Variants in PDE4D observed in about 807,000 individuals in gnomAD.
The protein encoded by PDE4D is phosphodiesterase 4D.
A neutral mutation model predicts 87.4 loss-of-function variants in PDE4D; 24 were observed. The ratio of observed to expected loss-of-function variants is 0.27; its 90% confidence interval spans 0.20 to 0.39. The LOEUF is 0.39. Among genes scored for constraint, PDE4D ranks in the 10% least tolerant of loss-of-function variants. PDE4D has a pLI of 1.00. For missense variants in PDE4D, 714 were observed against 1,041.0 expected (o/e 0.69, Z 4.32); for synonymous variants, 384 against 383.2 (o/e 1.00, Z -0.02).
intron 5 of PDE4D, among the ~76,000 whole-genome samples, chr5:59,056,401 A>G (rs1017740784): frequency 8.5e-5 from 13 of 152,090 alleles, no homozygotes; most frequent in Middle Eastern, 3.2e-3. Flanking sequence ...CGCTGAGACA[A>G]TGTTTAAAAA....
At chr5:60,462,421 A>G (rs1747019374) in intron 1 of PDE4D, among the ~76,000 whole-genome samples, 1 of 152,146 alleles carries the variant, frequency 6.6e-6, no homozygotes, top group Non-Finnish European at 1.5e-5. Context: ...CAGGGCAAGA[A>G]GAGAAGGAAT....
At chr5:59,845,290 T>A (rs747832525) in intron 1 of PDE4D, among the ~76,000 whole-genome samples, 9 of 152,218 alleles carry the variant, frequency 5.9e-5, no homozygotes, top group Middle Eastern at 6.8e-3. Flanking sequence ...CTTTCTCTTT[T>A]CCTCTGGTAA....
intron 1 of PDE4D, among the ~76,000 whole-genome samples, chr5:60,476,770 C>T (rs887661118): frequency 6.6e-6 from 1 of 152,170 alleles, no homozygotes; most frequent in Non-Finnish European, 1.5e-5. Context: ...GAAGCCTTCC[C>T]TCAACACTAA....
chr5:59,180,479 G>T, intron 5 of PDE4D, 116 bp downstream of exon 5: 1 of 823,998 alleles, frequency 1.2e-6, no homozygotes. Context: ...AGAGAAGAAA[G>T]AATTTCTTTA....
intron 1 of PDE4D, among the ~76,000 whole-genome samples, chr5:59,424,465 G>A (rs1267190013): frequency 1.3e-5 from 2 of 152,134 alleles, no homozygotes; most frequent in Non-Finnish European, 2.9e-5. Flanking sequence ...TAGAAAGGAT[G>A]GTTAACTGAC....
intron 1 of PDE4D, among the ~76,000 whole-genome samples, chr5:59,737,593 A>G (rs1218904920): frequency 6.6e-6 from 1 of 152,152 alleles, no homozygotes; most frequent in African/African-American, 2.4e-5. Flanking sequence ...ATATTTCATT[A>G]ATCTTAAATT....
intron 1 of PDE4D, among the ~76,000 whole-genome samples, chr5:60,518,828 C>G (rs1353543744): frequency 6.6e-6 from 1 of 152,192 alleles, no homozygotes; most frequent in Non-Finnish European, 1.5e-5. Flanking sequence ...AAATTTCACC[C>G]TGCTTATTTG....
At chr5:59,089,779 C>A (rs1473884827) in intron 5 of PDE4D, among the ~76,000 whole-genome samples, 1 of 152,134 alleles carries the variant, frequency 6.6e-6, no homozygotes, top group Non-Finnish European at 1.5e-5. Context: ...TGTCCTTGTA[C>A]CCCTTACAGC....
At chr5:59,524,698 T>C (rs373950663) in intron 1 of PDE4D, among the ~76,000 whole-genome samples, 12 of 152,306 alleles carry the variant, frequency 7.9e-5, no homozygotes, top group African/African-American at 2.9e-4. Context: ...ATTACAGGCC[T>C]GGAGGCCTAG....
chr5:59,995,133 GT>G (rs1190121210), intron 2 of PDE4D, among the ~76,000 whole-genome samples: 1 of 152,068 alleles, frequency 6.6e-6, no homozygotes, highest in Non-Finnish European at 1.5e-5. Context: ...CACCTGGACT[GT>G]TGCAGACAAA....
At chr5:59,850,053 T>G (rs919928670) in intron 1 of PDE4D, among the ~76,000 whole-genome samples, 4 of 152,044 alleles carry the variant, frequency 2.6e-5, no homozygotes, top group Non-Finnish European at 4.4e-5. Context: ...TTGCATTGAT[T>G]AACGTGTTGA....
chr5:60,063,059 G>A (rs188000086), intron 2 of PDE4D, among the ~76,000 whole-genome samples: 8 of 140,030 alleles, frequency 5.7e-5, no homozygotes. Flanking sequence ...TTCTGTATAT[G>A]TATCCCAAAA....
intron 1 of PDE4D, among the ~76,000 whole-genome samples, chr5:59,407,140 G>A (rs1382843280): frequency 1.3e-5 from 2 of 152,110 alleles, no homozygotes; most frequent in African/African-American, 4.8e-5. Flanking sequence ...CCTGGTGGGA[G>A]GTGTCTGAGT....
chr5:59,406,395 T>TCCC (rs3061708), intron 1 of PDE4D, among the ~76,000 whole-genome samples: 1 of 33,240 alleles, frequency 3.0e-5, no homozygotes, highest in African/African-American at 1.2e-4. Context: ...TATCTTTCCT[T>TCCC]CCCCCCCCCC....
chr5:60,206,157 G>A (rs567313941), intron 1 of PDE4D, among the ~76,000 whole-genome samples: 31 of 152,020 alleles, frequency 2.0e-4, no homozygotes, highest in Non-Finnish European at 3.2e-4. Context: ...TCCAAAAGAC[G>A]GACTTGCAAT....
Position 60,420,977 on chromosome 5 carries a change from G to T in PDE4D, c.-90+66965C>A, listed in dbSNP as rs151330487. Reference sequence around the variant, plus strand: ...TGACCTGCGAGGCAGCAGCCTGGTGGGGGGAGGGGTGTTCACCATTGCTGA... The same window carrying T: ...TGACCTGCGAGGCAGCAGCCTGGTGTGGGGAGGGGTGTTCACCATTGCTGA... On this transcript the variant is annotated intron_variant, in intron 1 of 16. Coordinates refer to the PDE4D transcript ENST00000502484. 9.8e-4 allele frequency among the ~76,000 whole-genome samples: 149 copies of T among 152,318 alleles called. 2 individuals carry two copies. The highest frequency in any genetic ancestry group is 3.5e-3 in the African/African-American group (147 of 41,586).
intron 2 of PDE4D, among the ~76,000 whole-genome samples, chr5:60,172,931 A>G (rs554099888): frequency 6.6e-6 from 1 of 152,278 alleles, no homozygotes; most frequent in Non-Finnish European, 1.5e-5. Context: ...ACAAAGGCTA[A>G]TAGGGATCCC....
intron 1 of PDE4D, among the ~76,000 whole-genome samples, chr5:60,406,795 A>C (rs1741572946): frequency 6.6e-6 from 1 of 152,190 alleles, no homozygotes; most frequent in Admixed American, 6.5e-5. Context: ...AGTATTGCTG[A>C]GAAAATAGGA....
chr5:59,504,902 A>ATGTGTGTG (rs61507201), intron 1 of PDE4D, among the ~76,000 whole-genome samples: 363 of 145,810 alleles, frequency 2.5e-3, no homozygotes, highest in South Asian at 6.6e-3. Context: ...GTAGGGGTAT[A>ATGTGTGTG]TGTGTGTGTG....
Sources: gnomAD v4.1 joint callset for allele counts (sites outside exome capture counted in the v4.1 genomes callset) on GRCh38, gnomAD v4.1.1 for gene constraint, MANE v1.5 for transcripts, NCBI Gene and HGNC (gene_info 2026-07-23, HGNC 2026-07-21) for gene names.